FAM83F: variants seen among roughly 807,000 people sequenced by gnomAD.
FAM83F encodes the protein scaffolding CK1 anchoring protein F.
Under a neutral mutation model 42.9 loss-of-function variants are expected in FAM83F, and 45 were observed. The ratio of observed to expected loss-of-function variants is 1.05; its 90% confidence interval spans 0.83 to 1.35. The LOEUF is 1.35. Among genes scored for constraint, FAM83F ranks in the 40% most tolerant of loss-of-function variants. The probability of loss-of-function intolerance (pLI) is 0.00; values close to 1 mark genes in which losing one functional copy is unlikely to be tolerated. For synonymous variants in FAM83F, 306 were observed against 298.3 expected (o/e 1.03, Z -0.27); for missense variants, 617 against 695.9 (o/e 0.89, Z 1.28).
At position 40,029,552 on chromosome 22, in the gene FAM83F, G is replaced by A; in HGVS notation, c.1490G>A (p.Cys497Tyr). The A allele has an allele frequency of 6.2e-7, 1 of 1,612,534 alleles. No individual in the cohort carries two copies. The highest frequency in any genetic ancestry group is 8.5e-7 in the Non-Finnish European group (1 of 1,179,346). The change falls in exon 5 of 5, where the codon TGT (cysteine) becomes TAT (tyrosine). Residue 497 changes from cysteine (C) to tyrosine (Y), a missense_variant. Coordinates refer to ENST00000333407, the MANE Select transcript of FAM83F (RefSeq NM_138435.4). The stretch of plus-strand genomic sequence containing the variant: ...CCCAGTTCTGCCAAGCCTAGCAACT[G>A]TGTGATTTCCTGAGCTGCGGGATGG... ...TSPSSAKPSNCVIS is the reference protein window; with the variant it reads ...TSPSSAKPSNYVIS
In FAM83F at chr22:39,995,209, G is replaced by A. The variant is rs1452578809; in HGVS notation, c.167G>A (p.Arg56Gln). ...GAGCGGCTCAAGGAGGAGCAGCTGC[G>A]GGACTTCCTCTCCAGCCCGGAGCGC... ...YRERLKEEQL[R>Q]DFLSSPERQA... The change falls in exon 1 of 5, where the codon CGG (arginine) becomes CAG (glutamine). Residue 56 changes from arginine to glutamine, a missense_variant. Coordinates refer to ENST00000333407, the MANE Select transcript of FAM83F (RefSeq NM_138435.4). This position sits in a 1 kb window ranked among gnomAD's most constrained non-coding sequence, Gnocchi z 4.6. 2 of 1,530,192 alleles carry A rather than the reference G, an allele frequency of 1.3e-6. No individual in the cohort carries two copies. Among genetic ancestry groups the A allele is most frequent in the Non-Finnish European group, 8.7e-7 (1 of 1,144,386 alleles). The allele number at this position is 1,530,192 out of a possible 1,614,324, so 94.8% of individuals were successfully genotyped here.
At position 40,029,644 on chromosome 22, in the gene FAM83F, T is replaced by G; in HGVS notation, c.*79T>G. The G allele has an allele frequency of 6.5e-7, 1 of 1,545,224 alleles. No individual in the cohort carries two copies. Among genetic ancestry groups the G allele is most frequent in the Non-Finnish European group, 8.8e-7 (1 of 1,142,676 alleles). Reference sequence around the variant, plus strand: ...GCTGTGGAGAGCGCAGGTCGCACACTGCACCAGTTTGCACATCAGACGCCA... The same window carrying G: ...GCTGTGGAGAGCGCAGGTCGCACACGGCACCAGTTTGCACATCAGACGCCA... On this transcript the variant is annotated 3_prime_UTR_variant, in exon 5 of 5. Transcript: ENST00000333407.
Position 40,021,980 on chromosome 22 carries a change from C to G in FAM83F, c.1453+17C>G. The G allele has an allele frequency of 6.6e-7, 1 of 1,526,350 alleles. No homozygotes were observed. Among genetic ancestry groups the G allele is most frequent in the Non-Finnish European group, 8.8e-7 (1 of 1,138,242 alleles). 94.6% of individuals were successfully genotyped at this position (1,526,350 alleles called of 1,614,324 possible). On this transcript the variant is annotated intron_variant, in intron 4 of 4. Coordinates refer to ENST00000333407, the MANE Select transcript of FAM83F (RefSeq NM_138435.4). This position sits in a 1 kb window ranked among gnomAD's most constrained non-coding sequence, Gnocchi z 8.7. ...ACATCTCAGGTGAGCCCTCTTCCCT[C>G]TGGCCTGGTGCCTCCCCAGGCCTCT...
At chr22:40,028,918 G>T (rs11704113) in intron 4 of FAM83F, among the ~76,000 whole-genome samples, 1 of 152,192 alleles carries the variant, frequency 6.6e-6, no homozygotes, top group Non-Finnish European at 1.5e-5. Context: ...GACCGGGAAG[G>T]CCAGGTTCTG....
At position 40,030,693 on chromosome 22, in the gene FAM83F, C is replaced by G. The variant is rs961731197; in HGVS notation, c.*1128C>G. The stretch of plus-strand genomic sequence containing the variant: ...CCCCACTTGGGTGACTGGAGAGGGC[C>G]GAGGAGAGTTTGTGAATGGACCTGG... On this transcript the variant is annotated 3_prime_UTR_variant, in exon 5 of 5. Transcript: ENST00000333407. 6.6e-6 allele frequency: 1 copy of G among 152,274 alleles called. No individual in the cohort carries two copies. Among genetic ancestry groups the G allele is most frequent in the Non-Finnish European group, 1.5e-5 (1 of 68,140 alleles). 9.4% of individuals were successfully genotyped at this position (152,274 alleles called of 1,614,324 possible). A position where few individuals can be genotyped will look rare whatever the true frequency, so the allele number is the denominator to read the frequency against.
At chr22:40,007,460 T>C (rs1601764497) in intron 1 of FAM83F, among the ~76,000 whole-genome samples, 2 of 5,808 alleles carry the variant, frequency 3.4e-4, no homozygotes, top group Admixed American at 1.9e-3. Flanking sequence ...CCTCCTCTCC[T>C]CTCCTCCTCT....
At chr22:40,022,090 G>T in intron 4 of FAM83F, 127 bp downstream of exon 4, 1 of 890,658 alleles carries the variant, frequency 1.1e-6, no homozygotes, top group South Asian at 2.3e-5. Flanking sequence ...CACAGAGAGG[G>T]CAGGAGCTCT....
Position 40,034,676 on chromosome 22 carries a change from A to C in FAM83F, c.*5111A>C, listed in dbSNP as rs2067611273. ...ATATATGCTTAATACCTATTTGTTA[A>C]ATGATTGAAGACTTGACTGCCATTC... On this transcript the variant is annotated 3_prime_UTR_variant, in exon 5 of 5. Transcript: ENST00000333407. 1.3e-5 allele frequency: 2 copies of C among 152,202 alleles called. No individual in the cohort carries two copies. Among genetic ancestry groups the C allele is most frequent in the Non-Finnish European group, 2.9e-5 (2 of 68,038 alleles). The allele number at this position is 152,202 out of a possible 1,614,324, so 9.4% of individuals were successfully genotyped here.
In FAM83F at chr22:40,029,900, A is replaced by C; in HGVS notation, c.*335A>C. ...GATGGGGTGAGGGCCCATTCTTTAAACCTTTATGGGGTGGGGTGTCTGGGG... is the reference window on the plus strand; with the variant it reads ...GATGGGGTGAGGGCCCATTCTTTAACCCTTTATGGGGTGGGGTGTCTGGGG... On this transcript the variant is annotated 3_prime_UTR_variant, in exon 5 of 5. Transcript: ENST00000333407. The C allele has an allele frequency of 4.3e-6, 1 of 232,946 alleles. No homozygotes were observed. The highest frequency in any genetic ancestry group is 8.5e-6 in the Non-Finnish European group (1 of 117,662). 14.4% of individuals were successfully genotyped at this position (232,946 alleles called of 1,614,324 possible).
At chr22:40,000,788 T>G (rs2067396965) in intron 1 of FAM83F, among the ~76,000 whole-genome samples, 1 of 152,150 alleles carries the variant, frequency 6.6e-6, no homozygotes, top group Non-Finnish European at 1.5e-5. Context: ...CCTCCTCCCC[T>G]TCCATCTAAG....
chr22:40,029,864 G>T lies in FAM83F; in HGVS notation c.*299G>T. The T allele has an allele frequency of 2.9e-6, 1 of 345,576 alleles. No individual in the cohort carries two copies. 21.4% of individuals were successfully genotyped at this position (345,576 alleles called of 1,614,324 possible). ...CTCGCCTTTGTGCCCCACCCCCTCC[G>T]CTGATTGCCAGATGGGGTGAGGGCC... On this transcript the variant is annotated 3_prime_UTR_variant, in exon 5 of 5. Coordinates refer to ENST00000333407, the MANE Select transcript of FAM83F (RefSeq NM_138435.4).
Position 39,995,675 on chromosome 22 carries a change from G to T in FAM83F, c.489+144G>T, listed in dbSNP as rs1601759555. The T allele has an allele frequency of 4.5e-6, 6 of 1,333,508 alleles. No individual in the cohort carries two copies. The highest frequency in any genetic ancestry group is 6.0e-6 in the Non-Finnish European group (6 of 1,006,588). The allele number at this position is 1,333,508 out of a possible 1,614,324, so 82.6% of individuals were successfully genotyped here. A position where few individuals can be genotyped will look rare whatever the true frequency, so the allele number is the denominator to read the frequency against. ...CCCCAACCCGCCCCTACTTCCTGGG[G>T]CTGCAGTGAGGCCTGTAGAGCGAAT... On this transcript the variant is annotated intron_variant, in intron 1 of 4. Transcript: ENST00000333407. The surrounding 1 kb of genome is among the most constrained non-coding windows in gnomAD (Gnocchi z 4.6).
intron 1 of FAM83F, among the ~76,000 whole-genome samples, chr22:39,998,413 G>T (rs1350086444): frequency 3.3e-5 from 5 of 152,128 alleles, no homozygotes; most frequent in Non-Finnish European, 5.9e-5. Context: ...AGAAGGAGTT[G>T]CCCGTGGCTG....
At chr22:40,012,362 T>C (rs1476055939) in intron 1 of FAM83F, among the ~76,000 whole-genome samples, 1 of 151,788 alleles carries the variant, frequency 6.6e-6, no homozygotes, top group Non-Finnish European at 1.5e-5. Flanking sequence ...CTCAAACTCC[T>C]GACCTCAGGT....
rs747766185 is a variant in FAM83F, at chr22:40,019,162, A to T, written c.490-6A>T. On this transcript the variant is annotated splice_polypyrimidine_tract_variant and splice_region_variant and intron_variant, in intron 1 of 4. Coordinates refer to ENST00000333407, the MANE Select transcript of FAM83F (RefSeq NM_138435.4). The stretch of plus-strand genomic sequence containing the variant: ...GTGTGCCTCACCAGTGCCTTTCCCC[A>T]CCCAGGTCATTGCTGTGGTCATGGA... 1.9e-6 allele frequency: 3 copies of T among 1,613,472 alleles called. No homozygotes were observed. In the East Asian group the frequency reaches 6.7e-5, roughly 36 times the overall value.
chr22:40,015,114 C>T (rs2067486621), intron 1 of FAM83F, among the ~76,000 whole-genome samples: 1 of 152,032 alleles, frequency 6.6e-6, no homozygotes, highest in Non-Finnish European at 1.5e-5. Flanking sequence ...CACGGAGAGA[C>T]AGAGATTGAT....
rs1217193015 is a variant in FAM83F, at chr22:40,029,617, G to A, written c.*52G>A. On this transcript the variant is annotated 3_prime_UTR_variant, in exon 5 of 5. Transcript: ENST00000333407. ...TGTGGATGCCTGCCTGCCCTGCCCTGTGCTGTGGAGAGCGCAGGTCGCACA... is the reference window on the plus strand; with the variant it reads ...TGTGGATGCCTGCCTGCCCTGCCCTATGCTGTGGAGAGCGCAGGTCGCACA... The A allele has an allele frequency of 2.5e-6, 4 of 1,592,790 alleles. No homozygotes were observed. The highest frequency in any genetic ancestry group is 1.3e-5 in the African/African-American group (1 of 74,518).
intron 1 of FAM83F, among the ~76,000 whole-genome samples, chr22:40,004,287 T>TATTTTATTTTATTTC: frequency 6.7e-6 from 1 of 149,376 alleles, no homozygotes; most frequent in African/African-American, 2.5e-5. Context: ...TATTTTATTT[T>TATTTTATTTTATTTC]ATTTTATTTT....
intron 1 of FAM83F, among the ~76,000 whole-genome samples, chr22:39,996,641 C>T (rs1039257654): frequency 6.6e-6 from 1 of 152,062 alleles, no homozygotes; most frequent in African/African-American, 2.4e-5. Context: ...TGGTTCCCCT[C>T]GAGGCTGAAG....
Sources: gnomAD v4.1 joint callset for allele counts (sites outside exome capture counted in the v4.1 genomes callset) on GRCh38, gnomAD v4.1.1 for gene constraint, Gnocchi (gnomAD v3.1) non-coding constraint, MANE v1.5 for transcripts, NCBI Gene and HGNC (gene_info 2026-07-23, HGNC 2026-07-21) for gene names.